LOC128125817: variants seen among roughly 807,000 people sequenced by gnomAD.
the LOC128125817 span, among the ~76,000 whole-genome samples, chr1:41,614,287 C>T: frequency 1.3e-5 from 2 of 152,226 alleles, no homozygotes; most frequent in African/African-American, 4.8e-5. Flanking sequence ...TCAAGGGCCA[C>T]CAGCCCTGAG....
chr1:41,619,694 C>T, the LOC128125817 span, among the ~76,000 whole-genome samples: 1 of 152,106 alleles, frequency 6.6e-6, no homozygotes, highest in African/African-American at 2.4e-5. Context: ...CATATGTAGG[C>T]TCAGCAGAGG....
the LOC128125817 span, among the ~76,000 whole-genome samples, chr1:41,588,417 C>G: frequency 6.6e-6 from 1 of 152,118 alleles, no homozygotes; most frequent in African/African-American, 2.4e-5. Context: ...AGGCAGGACT[C>G]TACATTGCTT....
At chr1:41,598,270 G>A in the LOC128125817 span, among the ~76,000 whole-genome samples, 1 of 152,212 alleles carries the variant, frequency 6.6e-6, no homozygotes, top group Non-Finnish European at 1.5e-5. Flanking sequence ...TTTCTGGCAG[G>A]TCTCTAGTGG....
At chr1:41,595,637 A>C in the LOC128125817 span, among the ~76,000 whole-genome samples, 1 of 152,162 alleles carries the variant, frequency 6.6e-6, no homozygotes, top group Non-Finnish European at 1.5e-5. Flanking sequence ...AAGGATGAAG[A>C]GGGTGTTGCC....
chr1:41,621,952 C>G, the LOC128125817 span, among the ~76,000 whole-genome samples: 1 of 152,248 alleles, frequency 6.6e-6, no homozygotes, highest in Non-Finnish European at 1.5e-5. Context: ...AGAATCTCCA[C>G]TTGACATCAG....
the LOC128125817 span, among the ~76,000 whole-genome samples, chr1:41,592,297 T>C: frequency 0.015 from 2,210 of 152,294 alleles, 31 homozygotes; most frequent in Non-Finnish European, 0.019. Flanking sequence ...GGCACTTTCC[T>C]CTCTGGGCCT....
chr1:41,608,245 G>A, the LOC128125817 span, among the ~76,000 whole-genome samples: 1 of 152,150 alleles, frequency 6.6e-6, no homozygotes. Context: ...AGTAATAACC[G>A]TGGACAGGAA....
At chr1:41,605,146 G>A in the LOC128125817 span, among the ~76,000 whole-genome samples, 1 of 132,418 alleles carries the variant, frequency 7.6e-6, no homozygotes, top group Non-Finnish European at 1.6e-5. Context: ...GGAAGGGAAG[G>A]GAAGCGGAGG....
At chr1:41,625,639 A>G in the LOC128125817 span, among the ~76,000 whole-genome samples, 89,770 of 151,786 alleles carry the variant, frequency 0.59, 27,374 homozygotes, top group African/African-American at 0.75. Context: ...GGAAGCTGAG[A>G]TAGGAGGATC....
At chr1:41,613,947 C>T in the LOC128125817 span, among the ~76,000 whole-genome samples, 8 of 152,218 alleles carry the variant, frequency 5.3e-5, no homozygotes, top group South Asian at 8.3e-4. Context: ...TTTCACTTAG[C>T]ATAACGTTTT....
chr1:41,611,919 C>T, the LOC128125817 span, among the ~76,000 whole-genome samples: 1 of 152,208 alleles, frequency 6.6e-6, no homozygotes, highest in African/African-American at 2.4e-5. Flanking sequence ...CTGATTCTGG[C>T]CCCAGATGAA....
chr1:41,628,659 A>AT, the LOC128125817 span: 1 of 995,044 alleles, frequency 1.0e-6, no homozygotes, highest in Non-Finnish European at 1.3e-6. Flanking sequence ...ACAATAATAC[A>AT]TTTTTCAGAG....
chr1:41,608,456 C>A, the LOC128125817 span, among the ~76,000 whole-genome samples: 22 of 152,192 alleles, frequency 1.4e-4, no homozygotes, highest in Non-Finnish European at 2.6e-4. Flanking sequence ...GGGAATTTGG[C>A]GGCCACTGGC....
At chr1:41,616,620 CTT>C in the LOC128125817 span, among the ~76,000 whole-genome samples, 9 of 112,436 alleles carry the variant, frequency 8.0e-5, no homozygotes, top group Admixed American at 9.9e-5. Flanking sequence ...GATGGGGAGC[CTT>C]TTTTTTTTTT....
chr1:41,590,942 C>T, the LOC128125817 span, among the ~76,000 whole-genome samples: 1 of 152,224 alleles, frequency 6.6e-6, no homozygotes, highest in East Asian at 1.9e-4. Context: ...CTAATCTGGA[C>T]ACCCCTCTAA....
the LOC128125817 span, among the ~76,000 whole-genome samples, chr1:41,603,390 C>A: frequency 2.0e-5 from 3 of 151,182 alleles, no homozygotes; most frequent in Non-Finnish European, 4.4e-5. Context: ...TAGATGGAGT[C>A]TCACTGTCAC....
At chr1:41,590,233 G>A in the LOC128125817 span, among the ~76,000 whole-genome samples, 2 of 152,266 alleles carry the variant, frequency 1.3e-5, no homozygotes, top group East Asian at 3.8e-4. Context: ...CAAAGAGAGA[G>A]GCCAAGGTCA....
the LOC128125817 span, among the ~76,000 whole-genome samples, chr1:41,595,493 C>T: frequency 1.3e-5 from 2 of 152,184 alleles, no homozygotes; most frequent in East Asian, 1.9e-4. Context: ...ACTAATTCCA[C>T]AGAGGAGTCA....
the LOC128125817 span, among the ~76,000 whole-genome samples, chr1:41,625,183 A>G: frequency 6.8e-6 from 1 of 147,904 alleles, no homozygotes; most frequent in South Asian, 2.1e-4. Flanking sequence ...AAAAAAAAAA[A>G]AAAAAAAAAG....
Sources: allele counts gnomAD v4.1 joint callset (sites outside exome capture counted in the v4.1 genomes callset), GRCh38; gene constraint gnomAD v4.1.1; transcripts MANE v1.5.